Variants in SIPA1L2 observed in about 807,000 individuals in gnomAD.
The protein encoded by SIPA1L2 is signal induced proliferation associated 1 like 2.
In SIPA1L2, 56 loss-of-function variants were observed where a neutral mutation model predicts 163.9. That is an observed-to-expected ratio of 0.34 (90% CI 0.28 to 0.43). The LOEUF (loss-of-function observed/expected upper bound fraction) is 0.43. Among genes scored for constraint, SIPA1L2 ranks in the 20% least tolerant of loss-of-function variants. SIPA1L2 has a pLI of 1.00. For synonymous variants in SIPA1L2, 877 were observed against 865.7 expected (o/e 1.01, Z -0.23); for missense variants, 1,974 against 2,193.5 (o/e 0.90, Z 2.00).
At chr1:232,519,022 A>C (rs1667335970) in intron 2 of SIPA1L2, among the ~76,000 whole-genome samples, 1 of 152,186 alleles carries the variant, frequency 6.6e-6, no homozygotes, top group African/African-American at 2.4e-5. Flanking sequence ...ACTCATTATA[A>C]AGTCAAATAC....
At chr1:232,548,527 A>G (rs959331082) in intron 2 of SIPA1L2, among the ~76,000 whole-genome samples, 7 of 152,256 alleles carry the variant, frequency 4.6e-5, no homozygotes, top group Non-Finnish European at 8.8e-5. Flanking sequence ...TGGTAAGTTC[A>G]ATATACTTTA....
At chr1:232,455,210 A>T (rs1251483325) in intron 10 of SIPA1L2, among the ~76,000 whole-genome samples, 1 of 152,244 alleles carries the variant, frequency 6.6e-6, no homozygotes. Flanking sequence ...ATCAAAATTC[A>T]ATACTGGAGC....
intron 2 of SIPA1L2, among the ~76,000 whole-genome samples, chr1:232,547,730 A>G (rs1658126950): frequency 6.6e-6 from 1 of 152,188 alleles, no homozygotes; most frequent in East Asian, 1.9e-4. Flanking sequence ...GTGTTTAACG[A>G]AAAAATTCCT....
At chr1:232,558,178 A>G (rs1573079952) in intron 2 of SIPA1L2, among the ~76,000 whole-genome samples, 1 of 152,222 alleles carries the variant, frequency 6.6e-6, no homozygotes, top group East Asian at 1.9e-4. Context: ...TCAAAGAGCA[A>G]GAAGCCTCGA....
intron 3 of SIPA1L2, among the ~76,000 whole-genome samples, chr1:232,513,604 G>A (rs1230728498): frequency 1.3e-5 from 2 of 152,128 alleles, no homozygotes; most frequent in Non-Finnish European, 1.5e-5. Context: ...GACAAAGAAT[G>A]ACAGAAAGAG....
chr1:232,445,625 G>T lies in SIPA1L2; in HGVS notation c.3257C>A (p.Thr1086Lys). The change falls in exon 11 of 23, where the codon ACG becomes AAG. Residue 1086 changes from threonine (T) to lysine (K), a missense_variant. Coordinates refer to ENST00000674635, the MANE Select transcript of SIPA1L2 (RefSeq NM_020808.5). ...CTGTTGGCACGGCAGCCGGTCGGGC[G>T]TGCCGGGGATGGGGGAAGCTCTAGA... Reference protein sequence around the residue: ...PLSRASPIPGTPDRLPCQQLL... With the variant: ...PLSRASPIPGKPDRLPCQQLL... 1 of 1,613,984 alleles carries T rather than the reference G, an allele frequency of 6.2e-7. No individual in the cohort carries two copies. The highest frequency in any genetic ancestry group is 8.5e-7 in the Non-Finnish European group (1 of 1,180,006).
chr1:232,575,877 T>G (rs145059674), intron 1 of SIPA1L2, among the ~76,000 whole-genome samples: 3 of 152,196 alleles, frequency 2.0e-5, no homozygotes, highest in East Asian at 1.9e-4. Flanking sequence ...AACTACAACA[T>G]AGAAGAACCC....
intron 2 of SIPA1L2, among the ~76,000 whole-genome samples, chr1:232,567,536 T>C (rs1341321010): frequency 1.3e-5 from 2 of 152,198 alleles, no homozygotes; most frequent in Admixed American, 6.5e-5. Flanking sequence ...AATTAACAAG[T>C]AAAGCATATC....
rs542071284 is a variant in SIPA1L2 at position 232,544,267 on chromosome 1, C to T, written c.-269-28659G>A. Among the ~76,000 whole-genome samples the T allele has an allele frequency of 3.9e-5, 6 of 152,198 alleles. No homozygotes were observed. The South Asian group carries it at 1.0e-3, about 26-fold the overall frequency. On this transcript the variant is annotated intron_variant, in intron 2 of 22. Coordinates refer to ENST00000674635, the MANE Select transcript of SIPA1L2 (RefSeq NM_020808.5). ...TAATGGCTATAATGACTTTCTAATA[C>T]AAAAGTGCTAGCGGCCGGGCGCAAT...
At position 232,479,809 on chromosome 1, in the gene SIPA1L2, C is replaced by CAAAAACA. The variant is rs1242085133; in HGVS notation, c.1982-86_1982-80dup. 21 of 1,302,330 alleles carry CAAAAACA rather than the reference C, an allele frequency of 1.6e-5. No homozygotes were observed. In the East Asian group the frequency reaches 4.0e-4, roughly 25 times the overall value. 80.7% of individuals were successfully genotyped at this position (1,302,330 alleles called of 1,614,324 possible). A position where few individuals can be genotyped will look rare whatever the true frequency, so the allele number is the denominator to read the frequency against. On this transcript the variant is annotated intron_variant, in intron 6 of 22. Coordinates refer to ENST00000674635, the MANE Select transcript of SIPA1L2 (RefSeq NM_020808.5). Reference sequence around the variant, plus strand: ...TTCGATATTTAAAAGGTTACTGTTGCAAAAACAAAAAACAAAAAACACCAA... The same window carrying CAAAAACA: ...TTCGATATTTAAAAGGTTACTGTTGCAAAAACAAAAAACAAAAAACAAAAAACACCAA...
intron 7 of SIPA1L2, among the ~76,000 whole-genome samples, chr1:232,472,555 C>T (rs73095113): frequency 0.011 from 1,608 of 152,296 alleles, 31 homozygotes; most frequent in African/African-American, 0.036. Flanking sequence ...AATAAATCCA[C>T]ATAAAGGCAC....
chr1:232,504,555 A>C (rs1666636266), intron 3 of SIPA1L2, among the ~76,000 whole-genome samples: 1 of 152,200 alleles, frequency 6.6e-6, no homozygotes, highest in Non-Finnish European at 1.5e-5. Flanking sequence ...CAAAAAAAAA[A>C]AAGTAACTCA....
At chr1:232,416,366 C>T (rs187785205) in intron 18 of SIPA1L2, among the ~76,000 whole-genome samples, 4 of 152,288 alleles carry the variant, frequency 2.6e-5, no homozygotes, top group African/African-American at 9.6e-5. Flanking sequence ...AGAGGTTGGC[C>T]AGCATGTAAG....
chr1:232,500,337 A>G (rs1163332700), intron 3 of SIPA1L2, among the ~76,000 whole-genome samples: 2 of 152,230 alleles, frequency 1.3e-5, no homozygotes, highest in East Asian at 3.8e-4. Flanking sequence ...ACATTTTGTA[A>G]GGCTATAGCC....
intron 1 of SIPA1L2, among the ~76,000 whole-genome samples, chr1:232,624,960 G>A (rs142217411): frequency 1.4e-3 from 220 of 152,244 alleles, no homozygotes; most frequent in Middle Eastern, 6.8e-3. Context: ...TAAGGCCTCC[G>A]GAGGTCACAG....
At chr1:232,551,995 A>G (rs1274016315) in intron 2 of SIPA1L2, among the ~76,000 whole-genome samples, 1 of 151,906 alleles carries the variant, frequency 6.6e-6, no homozygotes, top group African/African-American at 2.4e-5. Context: ...GCCCGCCCCC[A>G]CGCCTGGCTA....
At chr1:232,510,358 C>T (rs568309610) in intron 3 of SIPA1L2, among the ~76,000 whole-genome samples, 3 of 152,166 alleles carry the variant, frequency 2.0e-5, no homozygotes, top group East Asian at 3.9e-4. Context: ...TTAACTGATG[C>T]GTGACTATAG....
chr1:232,432,726 T>C (rs994069520), intron 15 of SIPA1L2, among the ~76,000 whole-genome samples: 3 of 152,170 alleles, frequency 2.0e-5, no homozygotes, highest in Non-Finnish European at 2.9e-5. Flanking sequence ...GGAAATCTGA[T>C]AGAAAAATGG....
intron 1 of SIPA1L2, among the ~76,000 whole-genome samples, chr1:232,584,720 C>A (rs1931597): frequency 0.76 from 115,728 of 152,194 alleles, 44,787 homozygotes; most frequent in East Asian, 0.92. Context: ...AGTATCCATT[C>A]TCAGATGAAC....
Sources: gnomAD v4.1 joint callset for allele counts (sites outside exome capture counted in the v4.1 genomes callset) on GRCh38, gnomAD v4.1.1 for gene constraint, MANE v1.5 for transcripts, NCBI Gene and HGNC (gene_info 2026-07-23, HGNC 2026-07-21) for gene names.